Variants in POU2F1 observed in about 807,000 individuals in gnomAD.
POU2F1 encodes the protein POU domain, class 2, transcription factor 1.
In POU2F1, 16 loss-of-function variants were observed where a neutral mutation model predicts 84.9. The ratio of observed to expected loss-of-function variants is 0.19; its 90% CI spans 0.13 to 0.29. The LOEUF is 0.29. Among genes scored for constraint, POU2F1 ranks in the 10% least tolerant of loss-of-function variants. POU2F1 has a pLI of 1.00. For synonymous variants in POU2F1, 368 were observed against 368.3 expected, an observed-to-expected ratio of 1.00 and a Z score of 0.01; for missense variants, 738 against 942.6, an observed-to-expected ratio of 0.78 and a Z score of 2.84.
intron 2 of POU2F1, among the ~76,000 whole-genome samples, chr1:167,362,888 G>A (rs1397371024): frequency 2.6e-5 from 4 of 152,146 alleles, no homozygotes; most frequent in African/African-American, 9.7e-5. Context: ...GTGTATCAAA[G>A]ACATGCTCCT....
At chr1:167,325,963 A>G (rs926796153) in intron 1 of POU2F1, among the ~76,000 whole-genome samples, 8 of 151,932 alleles carry the variant, frequency 5.3e-5, no homozygotes, top group Non-Finnish European at 7.4e-5. Context: ...TCTTTTAGAA[A>G]ATAAAAAAAG....
rs140450929 is a variant in POU2F1 at position 167,310,796 on chromosome 1, T to C, written c.62-21674T>C. ...TGGAGTCTGAGCAAAGAAATAGGCC[T>C]CAGTAGATAGAAAATACAAAGAAAA... On this transcript the variant is annotated intron_variant, in intron 1 of 15. Transcript: ENST00000367866. Among the ~76,000 whole-genome samples, 377 of 152,150 alleles carry C rather than the reference T, an allele frequency of 2.5e-3. 1 individual carries two copies. The highest frequency in any genetic ancestry group is 8.6e-3 in the African/African-American group (357 of 41,518).
Position 167,420,265 on chromosome 1 carries a change from G to A in POU2F1, c.*4455G>A, listed in dbSNP as rs1187315717. 1.3e-5 allele frequency: 2 copies of A among 150,474 alleles called. No homozygotes were observed. Among genetic ancestry groups the A allele is most frequent in the Admixed American group, 6.7e-5 (1 of 14,966 alleles). The allele number at this position is 150,474 out of a possible 1,614,324, so 9.3% of individuals were successfully genotyped here. The stretch of plus-strand genomic sequence containing the variant: ...TGCAACCTCTGCCTCCCGGGTTCAA[G>A]CAATTCTCCTGCTTCAGCCTCCCAA... On this transcript the variant is annotated 3_prime_UTR_variant, in exon 16 of 16. Coordinates refer to ENST00000367866, the MANE Select transcript of POU2F1 (RefSeq NM_002697.4).
intron 2 of POU2F1, among the ~76,000 whole-genome samples, chr1:167,361,469 A>G (rs1659346934): frequency 6.6e-6 from 1 of 152,036 alleles, no homozygotes; most frequent in Non-Finnish European, 1.5e-5. Flanking sequence ...TGTGTAGTTA[A>G]TCACGTACTG....
At chr1:167,295,696 G>A (rs771427813) in intron 1 of POU2F1, among the ~76,000 whole-genome samples, 7 of 152,202 alleles carry the variant, frequency 4.6e-5, no homozygotes, top group Non-Finnish European at 8.8e-5. Flanking sequence ...CCATGAACAT[G>A]ATTCAGAGGC....
intron 1 of POU2F1, among the ~76,000 whole-genome samples, chr1:167,328,212 G>T (rs921912246): frequency 1.3e-5 from 2 of 152,066 alleles, no homozygotes; most frequent in East Asian, 1.9e-4. Flanking sequence ...TTTTCATGGG[G>T]GAAGGATACT....
At chr1:167,333,754 C>G (rs558381878) in intron 2 of POU2F1, among the ~76,000 whole-genome samples, 21 of 152,308 alleles carry the variant, frequency 1.4e-4, no homozygotes, top group Admixed American at 2.6e-4. Context: ...GAAAGGGCAG[C>G]ATTGTATTCT....
At chr1:167,372,085 T>C (rs375791261) in intron 5 of POU2F1, 49 bp downstream of exon 5, 1 of 1,583,350 alleles carries the variant, frequency 6.3e-7, no homozygotes, top group Non-Finnish European at 8.6e-7. Flanking sequence ...GTGTCAGAAC[T>C]GCCATTGGCC....
intron 15 of POU2F1, among the ~76,000 whole-genome samples, chr1:167,413,634 G>A (rs1373925013): frequency 6.6e-6 from 1 of 152,112 alleles, no homozygotes; most frequent in African/African-American, 2.4e-5. Flanking sequence ...TTATATCGCC[G>A]TTAGTGTAGA....
chr1:167,254,750 C>G (rs1571173697), intron 1 of POU2F1, among the ~76,000 whole-genome samples: 1 of 152,202 alleles, frequency 6.6e-6, no homozygotes, highest in African/African-American at 2.4e-5. Flanking sequence ...GTTCGTTTCT[C>G]TATCCCTCTA....
chr1:167,357,730 T>A (rs988573256), intron 2 of POU2F1, among the ~76,000 whole-genome samples: 1 of 151,992 alleles, frequency 6.6e-6, no homozygotes, highest in Non-Finnish European at 1.5e-5. Context: ...TCTAAGAGTT[T>A]TATGCATCTT....
intron 1 of POU2F1, chr1:167,318,966 A>G (rs1247980065): frequency 1.3e-5 from 2 of 153,390 alleles, no homozygotes; most frequent in Non-Finnish European, 2.9e-5. Flanking sequence ...TATCATAGCT[A>G]TCATTAGATT....
intron 1 of POU2F1, among the ~76,000 whole-genome samples, chr1:167,282,377 C>G (rs1174259071): frequency 6.6e-6 from 1 of 152,140 alleles, no homozygotes; most frequent in African/African-American, 2.4e-5. Context: ...ATTTCCTGAC[C>G]TCGTAATCCG....
intron 12 of POU2F1, among the ~76,000 whole-genome samples, chr1:167,399,825 C>G (rs1220352539): frequency 4.6e-5 from 7 of 151,180 alleles, no homozygotes; most frequent in African/African-American, 1.7e-4. Context: ...AGACGTGTAC[C>G]ACCATTCCCG....
intron 1 of POU2F1, among the ~76,000 whole-genome samples, chr1:167,268,559 C>T (rs946523775): frequency 2.0e-5 from 3 of 152,174 alleles, no homozygotes; most frequent in Non-Finnish European, 2.9e-5. Flanking sequence ...GTGCACCCTA[C>T]ATGGTTTCTA....
intron 1 of POU2F1, among the ~76,000 whole-genome samples, chr1:167,248,952 G>A (rs1318535845): frequency 1.3e-5 from 2 of 152,188 alleles, no homozygotes; most frequent in African/African-American, 4.8e-5. Flanking sequence ...TGATGAGAAA[G>A]TAGAAGAACT....
chr1:167,418,513 CA>C lies in POU2F1; in HGVS notation c.*2704del, dbSNP rs982244740. On this transcript the variant is annotated 3_prime_UTR_variant, in exon 16 of 16. Transcript: ENST00000367866. ...GTGGTGAAACTTAGAAGGAAGGATT[CA>C]GGGAGGGAAATGCTGGTACCCAGTA... is the stretch of plus-strand genomic sequence containing the variant. 50 of 152,246 alleles carry C rather than the reference CA, an allele frequency of 3.3e-4. No homozygotes were observed. The highest frequency in any genetic ancestry group is 1.2e-3 in the African/African-American group (50 of 41,546). 9.4% of individuals were successfully genotyped at this position (152,246 alleles called of 1,614,324 possible).
At chr1:167,315,667 G>T (rs1655839110) in intron 1 of POU2F1, among the ~76,000 whole-genome samples, 2 of 152,056 alleles carry the variant, frequency 1.3e-5, no homozygotes, top group Admixed American at 1.3e-4. Context: ...TTAGCCAGGT[G>T]TGGTGACATG....
intron 9 of POU2F1, among the ~76,000 whole-genome samples, chr1:167,391,192 G>A (rs1256870640): frequency 6.6e-6 from 1 of 152,004 alleles, no homozygotes; most frequent in Non-Finnish European, 1.5e-5. Context: ...CTCCCGCCTT[G>A]GCCTCCCAAA....
Sources: allele counts gnomAD v4.1 joint callset (sites outside exome capture counted in the v4.1 genomes callset), GRCh38; gene constraint gnomAD v4.1.1; transcripts MANE v1.5; gene names NCBI Gene and HGNC (gene_info 2026-07-23, HGNC 2026-07-21).